Variants in AGAP1 observed in about 807,000 individuals in gnomAD.
The protein encoded by AGAP1 is arf-GAP with GTPase, ANK repeat and PH domain-containing protein 1.
Under a neutral mutation model 105.3 loss-of-function variants are expected in AGAP1, and 29 were observed. The ratio of observed to expected loss-of-function variants is 0.28; its 90% CI spans 0.21 to 0.38. The LOEUF (loss-of-function observed/expected upper bound fraction) is 0.38. AGAP1 is among the 10% of genes least tolerant of loss of function. The pLI is 1.00. For synonymous variants in AGAP1, 509 were observed against 485.9 expected, an observed-to-expected ratio of 1.05 and a Z score of -0.63; for missense variants, 998 against 1,165.1, an observed-to-expected ratio of 0.86 and a Z score of 2.09.
rs113377810 is a variant in AGAP1 at position 235,778,940 on chromosome 2, A to G, written c.674-18819A>G. Among the ~76,000 whole-genome samples the G allele has an allele frequency of 5.8e-3, 885 of 152,304 alleles. 10 individuals are homozygous for G. The highest frequency in any genetic ancestry group is 0.02 in the African/African-American group (836 of 41,558). ...GGCTGGCACCCTCTCTGTGCCTCAC[A>G]TGGATCAACTGACTTCCCTCACCAA... On this transcript the variant is annotated intron_variant, in intron 6 of 17. Transcript: ENST00000304032.
In AGAP1 at chr2:235,751,492, G is replaced by C. The variant is rs776918824; in HGVS notation, c.673+1004G>C. On this transcript the variant is annotated intron_variant, in intron 6 of 17. Transcript: ENST00000304032. The surrounding 1 kb of genome is among the most constrained non-coding windows in gnomAD (Gnocchi z 5.3). ...TTCAAGGTGATGGAGGACTCGCCGC[G>C]CTCTGACCTTGAAGACCCACGGTGA... is the stretch of plus-strand genomic sequence containing the variant. Among the ~76,000 whole-genome samples, 8 of 152,144 alleles carry C rather than the reference G, an allele frequency of 5.3e-5. No homozygotes were observed. Among genetic ancestry groups the C allele is most frequent in the Non-Finnish European group, 1.2e-4 (8 of 68,038 alleles).
rs1041502245 is a variant in AGAP1 at position 235,908,680 on chromosome 2, G to A, written c.1156-58G>A. 32 of 1,471,110 alleles carry A rather than the reference G, an allele frequency of 2.2e-5. No homozygotes were observed. The highest frequency in any genetic ancestry group is 2.6e-5 in the Non-Finnish European group (28 of 1,092,866). 91.1% of individuals were successfully genotyped at this position (1,471,110 alleles called of 1,614,324 possible). ...CGTCTGATAGACCCTTTTGTTCTAG[G>A]TTGTAAAAGGTCTTTTTTTTTTTTT... On this transcript the variant is annotated intron_variant, in intron 10 of 17. Coordinates refer to ENST00000304032, the MANE Select transcript of AGAP1 (RefSeq NM_001037131.3). This position sits in a 1 kb window ranked among gnomAD's most constrained non-coding sequence, Gnocchi z 4.4.
chr2:235,908,639 G>T lies in AGAP1; in HGVS notation c.1156-99G>T. ...TACTTTCCACAGTGGAAGGGTCATAGGGTTTTAACTCATGACGTCTGATAG... is the reference window on the plus strand; with the variant it reads ...TACTTTCCACAGTGGAAGGGTCATATGGTTTTAACTCATGACGTCTGATAG... On this transcript the variant is annotated intron_variant, in intron 10 of 17. Coordinates refer to ENST00000304032, the MANE Select transcript of AGAP1 (RefSeq NM_001037131.3). The surrounding 1 kb of genome is among the most constrained non-coding windows in gnomAD (Gnocchi z 4.4). 1 of 1,129,192 alleles carries T rather than the reference G, an allele frequency of 8.9e-7. No homozygotes were observed. Among genetic ancestry groups the T allele is most frequent in the Non-Finnish European group, 1.3e-6 (1 of 795,730 alleles). The allele number at this position is 1,129,192 out of a possible 1,614,324, so 69.9% of individuals were successfully genotyped here.
chr2:236,123,935 C>T lies in AGAP1; in HGVS notation c.2387C>T (p.Thr796Met), dbSNP rs201123570. 882 of 1,613,244 alleles carry T rather than the reference C, an allele frequency of 5.5e-4. 9 individuals carry two copies. In the South Asian group the frequency reaches 8.1e-3, roughly 15 times the overall value. ...CCTCCGCAGTACGGAGTGGACGTCACGGCCCGAGATGCCCACGGGAACACA... is the reference window on the plus strand; with the variant it reads ...CCTCCGCAGTACGGAGTGGACGTCATGGCCCGAGATGCCCACGGGAACACA... ...QLLIWYGVDV[T>M]ARDAHGNTAL... Residue 796 changes from threonine to methionine, a missense_variant, in exon 18 of 18, where the codon ACG becomes ATG. Thr to Met is a moderately conservative substitution (Grantham distance 81). Coordinates refer to ENST00000304032, the MANE Select transcript of AGAP1 (RefSeq NM_001037131.3). This position sits in a 1 kb window ranked among gnomAD's most constrained non-coding sequence, Gnocchi z 4.6.
intron 6 of AGAP1, among the ~76,000 whole-genome samples, chr2:235,795,308 C>G (rs1019920961): frequency 1.3e-5 from 2 of 152,234 alleles, no homozygotes; most frequent in Non-Finnish European, 2.9e-5. Context: ...AGAGATTCCA[C>G]CCCGTCCCTG....
In AGAP1 at chr2:235,739,732, CAGAGGGT is replaced by C. The variant is rs1238940413; in HGVS notation, c.311-1228_311-1222del. On this transcript the variant is annotated intron_variant, in intron 3 of 17. Transcript: ENST00000304032. This position sits in a 1 kb window ranked among gnomAD's most constrained non-coding sequence, Gnocchi z 5.3. ...TGCCCCAGTCAGCCCTCTGTGGCCT[CAGAGGGT>C]AGCTGCCCGTCTGGAGGGCCTCGGA... Among the ~76,000 whole-genome samples, 2 of 152,238 alleles carry C rather than the reference CAGAGGGT, an allele frequency of 1.3e-5. No homozygotes were observed. The highest frequency in any genetic ancestry group is 2.9e-5 in the Non-Finnish European group (2 of 68,044).
At chr2:235,876,224 A>G (rs542793549) in intron 9 of AGAP1, among the ~76,000 whole-genome samples, 2 of 152,320 alleles carry the variant, frequency 1.3e-5, no homozygotes, top group East Asian at 3.9e-4. Flanking sequence ...CTATCAATTT[A>G]TGTACTTTTA....
intron 15 of AGAP1, among the ~76,000 whole-genome samples, chr2:236,041,104 A>G (rs1391713215): frequency 6.6e-6 from 1 of 152,130 alleles, no homozygotes; most frequent in East Asian, 1.9e-4. Context: ...CCTGAGGTGC[A>G]AAGGATTCAA....
Position 235,858,518 on chromosome 2 carries a change from G to A in AGAP1, c.1051-24827G>A, listed in dbSNP as rs528315393. Among the ~76,000 whole-genome samples the A allele has an allele frequency of 1.8e-3, 280 of 152,198 alleles. 1 individual carries two copies. The highest frequency in any genetic ancestry group is 6.5e-3 in the African/African-American group (268 of 41,518). ...TTGAGTTTAAGATGCAGTAGGTTAG[G>A]GGGAAAATGTTTTAAAACCATACAG... On this transcript the variant is annotated intron_variant, in intron 9 of 17. Coordinates refer to ENST00000304032, the MANE Select transcript of AGAP1 (RefSeq NM_001037131.3).
At chr2:235,948,997 G>C (rs143985518) in intron 12 of AGAP1, among the ~76,000 whole-genome samples, 6 of 152,332 alleles carry the variant, frequency 3.9e-5, no homozygotes, top group African/African-American at 1.4e-4. Flanking sequence ...AGTTTAGTTA[G>C]ATTAAGCGAA....
At chr2:235,646,086 C>T (rs2149314551) in intron 1 of AGAP1, among the ~76,000 whole-genome samples, 1 of 152,070 alleles carries the variant, frequency 6.6e-6, no homozygotes, top group Admixed American at 6.5e-5. Context: ...ACCAGCCTGG[C>T]CAACACAGTG....
chr2:235,661,541 G>A (rs528724791), intron 1 of AGAP1, among the ~76,000 whole-genome samples: 1 of 144,354 alleles, frequency 6.9e-6, no homozygotes, highest in Non-Finnish European at 1.5e-5. Flanking sequence ...GGGTGGGGGG[G>A]CTGTAGGATG....
At chr2:235,803,112 A>ATGGTGATGATGATGGTTG (rs1957655628) in intron 8 of AGAP1, among the ~76,000 whole-genome samples, 1 of 107,206 alleles carries the variant, frequency 9.3e-6, no homozygotes. Flanking sequence ...GATGGTTGTG[A>ATGGTGATGATGATGGTTG]TGGTGATGAT....
rs544348095 is a variant in AGAP1, at chr2:235,827,671, A to G, written c.1050+20340A>G. ...AGCATGAGTCACAGGTGGCACGCCTAAGAGTAACATCCACGGCTGAATCGT... is the reference window on the plus strand; with the variant it reads ...AGCATGAGTCACAGGTGGCACGCCTGAGAGTAACATCCACGGCTGAATCGT... On this transcript the variant is annotated intron_variant, in intron 9 of 17. Coordinates refer to ENST00000304032, the MANE Select transcript of AGAP1 (RefSeq NM_001037131.3). Among the ~76,000 whole-genome samples the G allele has an allele frequency of 8.2e-4, 125 of 152,328 alleles. 1 individual carries two copies. Among genetic ancestry groups the G allele is most frequent in the African/African-American group, 2.9e-3 (122 of 41,574 alleles).
intron 2 of AGAP1, among the ~76,000 whole-genome samples, chr2:235,709,979 G>C (rs1950764947): frequency 6.6e-6 from 1 of 152,136 alleles, no homozygotes; most frequent in South Asian, 2.1e-4. Context: ...ATTTCCGTGT[G>C]TATGTTTATA....
chr2:235,956,206 ATC>A (rs2053942316), intron 12 of AGAP1, among the ~76,000 whole-genome samples: 1 of 152,276 alleles, frequency 6.6e-6, no homozygotes, highest in East Asian at 1.9e-4. Flanking sequence ...AGAAGCGGGA[ATC>A]TCTCAAAATG....
intron 2 of AGAP1, 87 bp downstream of exon 2, chr2:235,709,324 C>T (rs896156488): frequency 5.3e-5 from 76 of 1,432,566 alleles, no homozygotes; most frequent in Middle Eastern, 1.8e-4. Context: ...AACTGGTCAT[C>T]GCCTGGGGCC....
chr2:235,642,027 A>T lies in AGAP1; in HGVS notation c.164-67152A>T, dbSNP rs1947214009. Among the ~76,000 whole-genome samples, 1 of 152,202 alleles carries T rather than the reference A, an allele frequency of 6.6e-6. No homozygotes were observed. Among genetic ancestry groups the T allele is most frequent in the African/African-American group, 2.4e-5 (1 of 41,458 alleles). ...TCCATTTCTTCAGGTATCTTCTTAC[A>T]TCATCTTGCTTCTTTACTCAGCATA... On this transcript the variant is annotated intron_variant, in intron 1 of 17. Coordinates refer to ENST00000304032, the MANE Select transcript of AGAP1 (RefSeq NM_001037131.3). This position sits in a 1 kb window ranked among gnomAD's most constrained non-coding sequence, Gnocchi z 4.1.
chr2:236,011,533 A>G (rs1231222581), intron 13 of AGAP1, among the ~76,000 whole-genome samples: 1 of 152,240 alleles, frequency 6.6e-6, no homozygotes, highest in Non-Finnish European at 1.5e-5. Context: ...TTGCTTACGC[A>G]GCAAGCAAAA....
Sources: gnomAD v4.1 joint callset for allele counts (sites outside exome capture counted in the v4.1 genomes callset) on GRCh38, gnomAD v4.1.1 for gene constraint, Gnocchi (gnomAD v3.1) non-coding constraint, MANE v1.5 for transcripts, NCBI Gene and HGNC (gene_info 2026-07-23, HGNC 2026-07-21) for gene names.